PDE12: variants seen among roughly 807,000 people sequenced by gnomAD.
The protein encoded by PDE12 is phosphodiesterase 12, also known as 2',5'-phosphodiesterase 12.
Under a neutral mutation model 45.4 loss-of-function variants are expected in PDE12, and 26 were observed. The ratio of observed to expected loss-of-function variants is 0.57; its 90% CI spans 0.42 to 0.79. The LOEUF (loss-of-function observed/expected upper bound fraction) is 0.79, where lower values mean the gene tolerates loss of function less well. Among genes scored for constraint, PDE12 ranks in the 30% least tolerant of loss-of-function variants. The probability of loss-of-function intolerance (pLI) is 0.00; values close to 1 mark genes in which losing one functional copy is unlikely to be tolerated. For synonymous variants in PDE12, 283 were observed against 323.9 expected, an observed-to-expected ratio of 0.87 and a Z score of 1.36; for missense variants, 668 against 790.0, an observed-to-expected ratio of 0.85 and a Z score of 1.85.
the PDE12 span, among the ~76,000 whole-genome samples, chr3:57,580,413 CAA>C: frequency 6.6e-6 from 1 of 151,482 alleles, no homozygotes; most frequent in Non-Finnish European, 1.5e-5. Flanking sequence ...TTCTTTTTTT[CAA>C]AAAAGAGGCA....
chr3:57,582,200 G>GT, the PDE12 span, among the ~76,000 whole-genome samples: 14 of 151,994 alleles, frequency 9.2e-5, no homozygotes, highest in South Asian at 2.9e-3. Context: ...TCTGTATCAA[G>GT]TATCTTTTCT....
rs539783291 is a variant in PDE12 at position 57,566,333 on chromosome 3, T to C, written c.*6329T>C. Reference sequence around the variant, plus strand: ...AGGATGTATCAGGAGTTTGTTTTTATGATGAATGTTCCATCTTATGGACGT... The same window carrying C: ...AGGATGTATCAGGAGTTTGTTTTTACGATGAATGTTCCATCTTATGGACGT... On this transcript the variant is annotated 3_prime_UTR_variant, in exon 3 of 3. Coordinates refer to ENST00000311180, the MANE Select transcript of PDE12 (RefSeq NM_177966.7). 26 of 152,398 alleles carry C rather than the reference T, an allele frequency of 1.7e-4. No individual in the cohort carries two copies. Among genetic ancestry groups the C allele is most frequent in the Non-Finnish European group, 2.8e-4 (19 of 68,050 alleles). The allele number at this position is 152,398 out of a possible 1,614,324, so 9.4% of individuals were successfully genotyped here.
At chr3:57,595,603 G>T in the PDE12 span, among the ~76,000 whole-genome samples, 1 of 152,176 alleles carries the variant, frequency 6.6e-6, no homozygotes, top group Non-Finnish European at 1.5e-5. Flanking sequence ...TATATACCTT[G>T]AAATATTACA....
the PDE12 span, among the ~76,000 whole-genome samples, chr3:57,573,263 TCAGA>T: frequency 2.0e-5 from 3 of 152,082 alleles, no homozygotes; most frequent in Admixed American, 2.0e-4. Flanking sequence ...GGCAAGCTTT[TCAGA>T]CAATTTCACC....
At chr3:57,646,405 C>G in the PDE12 span, 1 of 1,613,944 alleles carries the variant, frequency 6.2e-7, no homozygotes, top group Non-Finnish European at 8.5e-7. Flanking sequence ...GCTCCCAGAG[C>G]ATCTGACTAT....
the PDE12 span, among the ~76,000 whole-genome samples, chr3:57,616,605 C>T: frequency 3.9e-5 from 6 of 152,204 alleles, no homozygotes; most frequent in African/African-American, 1.2e-4. Context: ...GAAAATTCTA[C>T]GTCCAAATAG....
the PDE12 span, chr3:57,584,183 G>A: frequency 8.6e-6 from 6 of 699,790 alleles, no homozygotes; most frequent in Non-Finnish European, 1.2e-5. Flanking sequence ...GGCTGGTCTT[G>A]AACTCCTGGG....
the PDE12 span, among the ~76,000 whole-genome samples, chr3:57,620,506 G>A: frequency 6.6e-6 from 1 of 152,014 alleles, no homozygotes; most frequent in East Asian, 1.9e-4. Flanking sequence ...AATAAATAAA[G>A]GTCATCCAGA....
rs2069746352 is a variant in PDE12, at chr3:57,563,342, CTTTCTTTT to C, written c.*3350_*3357del. On this transcript the variant is annotated 3_prime_UTR_variant, in exon 3 of 3. Transcript: ENST00000311180. ...CCAACCTTCCATAACTGAAAACTAA[CTTTCTTTT>C]TTTCTTTTTTTATTATTATACTTTA... The C allele has an allele frequency of 6.6e-6, 1 of 152,054 alleles. No individual in the cohort carries two copies. The highest frequency in any genetic ancestry group is 2.1e-4 in the South Asian group (1 of 4,822). 9.4% of individuals were successfully genotyped at this position (152,054 alleles called of 1,614,324 possible). A position where few individuals can be genotyped will look rare whatever the true frequency, so the allele number is the denominator to read the frequency against.
At chr3:57,633,266 A>G in the PDE12 span, 1 of 1,610,424 alleles carries the variant, frequency 6.2e-7, no homozygotes, top group South Asian at 1.1e-5. Context: ...TTAACTTACT[A>G]ATGGAATGAT....
At position 57,561,646 on chromosome 3, in the gene PDE12, C is replaced by T. The variant is rs2069729816; in HGVS notation, c.*1642C>T. 3 of 984,924 alleles carry T rather than the reference C, an allele frequency of 3.0e-6. No individual in the cohort carries two copies. Among genetic ancestry groups the T allele is most frequent in the East Asian group, 1.1e-4 (1 of 8,802 alleles). The allele number at this position is 984,924 out of a possible 1,614,324, so 61.0% of individuals were successfully genotyped here. A position where few individuals can be genotyped will look rare whatever the true frequency, so the allele number is the denominator to read the frequency against. ...TCATTTCTGCATTTAATTAATAGCTCGAGTATTAAAAGCCCACTCCCTTCA... is the reference window on the plus strand; with the variant it reads ...TCATTTCTGCATTTAATTAATAGCTTGAGTATTAAAAGCCCACTCCCTTCA... On this transcript the variant is annotated 3_prime_UTR_variant, in exon 3 of 3. Coordinates refer to ENST00000311180, the MANE Select transcript of PDE12 (RefSeq NM_177966.7).
At chr3:57,581,811 G>A in the PDE12 span, among the ~76,000 whole-genome samples, 3 of 152,078 alleles carry the variant, frequency 2.0e-5, no homozygotes, top group African/African-American at 7.2e-5. Context: ...TAAACAAACT[G>A]TCTAGAGGGT....
chr3:57,612,435 A>G, the PDE12 span, among the ~76,000 whole-genome samples: 1 of 152,136 alleles, frequency 6.6e-6, no homozygotes, highest in East Asian at 1.9e-4. Flanking sequence ...CTAAAATAAT[A>G]AAAGAACATA....
the PDE12 span, among the ~76,000 whole-genome samples, chr3:57,642,334 A>G: frequency 6.7e-5 from 10 of 148,280 alleles, no homozygotes; most frequent in Non-Finnish European, 1.5e-4. Context: ...AAAAAAAAAA[A>G]GCATAATAAT....
the PDE12 span, among the ~76,000 whole-genome samples, chr3:57,622,327 T>C: frequency 6.6e-6 from 1 of 152,152 alleles, no homozygotes; most frequent in Non-Finnish European, 1.5e-5. Context: ...GAAAAGATGC[T>C]CAGCATCAAA....
chr3:57,590,357 G>T, the PDE12 span, among the ~76,000 whole-genome samples: 704 of 150,950 alleles, frequency 4.7e-3, 1 homozygote, highest in Middle Eastern at 0.017. Flanking sequence ...GCAGTGGCGG[G>T]TGCCTGTAAT....
the PDE12 span, among the ~76,000 whole-genome samples, chr3:57,613,757 C>T: frequency 1.3e-5 from 2 of 151,364 alleles, no homozygotes; most frequent in Admixed American, 6.6e-5. Flanking sequence ...AAAAATTAGC[C>T]GGGCATGGTG....
the PDE12 span, among the ~76,000 whole-genome samples, chr3:57,617,492 A>G: frequency 6.6e-6 from 1 of 152,172 alleles, no homozygotes; most frequent in Non-Finnish European, 1.5e-5. Context: ...ATTCTACCAA[A>G]AAAATACCTG....
At chr3:57,636,628 GC>G in the PDE12 span, among the ~76,000 whole-genome samples, 1 of 152,078 alleles carries the variant, frequency 6.6e-6, no homozygotes, top group South Asian at 2.1e-4. Flanking sequence ...TAACAGTTAA[GC>G]CAACTTGTAA....
Sources: allele counts gnomAD v4.1 joint callset (sites outside exome capture counted in the v4.1 genomes callset), GRCh38; gene constraint gnomAD v4.1.1; transcripts MANE v1.5; gene names NCBI Gene and HGNC (gene_info 2026-07-23, HGNC 2026-07-21).